ADAMTS16: variants seen among roughly 807,000 people sequenced by gnomAD.
The protein encoded by ADAMTS16 is ADAM metallopeptidase with thrombospondin type 1 motif 16.
ADAMTS16 carries 94 observed loss-of-function variants against 145.8 expected under a neutral mutation model. The ratio of observed to expected loss-of-function variants is 0.64; its 90% CI spans 0.55 to 0.77. The LOEUF (loss-of-function observed/expected upper bound fraction) is 0.77. Among genes scored for constraint, ADAMTS16 ranks in the 30% least tolerant of loss-of-function variants. The pLI is 0.00. For synonymous variants in ADAMTS16, 659 were observed against 604.3 expected, an observed-to-expected ratio of 1.09 and a Z score of -1.33; for missense variants, 1,585 against 1,591.5, an observed-to-expected ratio of 1.00 and a Z score of 0.07.
At position 5,289,454 on chromosome 5, in the gene ADAMTS16, T is replaced by C. The variant is rs561503114; in HGVS notation, c.2790-13814T>C. 2.6e-5 allele frequency among the ~76,000 whole-genome samples: 4 copies of C among 152,356 alleles called. No individual in the cohort carries two copies. The South Asian group carries it at 6.2e-4, about 24-fold the overall frequency. ...GTTTGTTGTTATTGCTGTTGTTTCA[T>C]TGTTAACATTCCCAACAATGGGGTC... On this transcript the variant is annotated intron_variant, in intron 18 of 22. Transcript: ENST00000274181.
rs141245263 is a variant in ADAMTS16, at chr5:5,190,251, G to A, written c.1207+121G>A. 607 of 1,089,242 alleles carry A rather than the reference G, an allele frequency of 5.6e-4. 4 individuals are homozygous for A. In the African/African-American group the frequency reaches 8.8e-3, roughly 16 times the overall value. 67.5% of individuals were successfully genotyped at this position (1,089,242 alleles called of 1,614,324 possible). A position where few individuals can be genotyped will look rare whatever the true frequency, so the allele number is the denominator to read the frequency against. Reference sequence around the variant, plus strand: ...TAAGCAGTAGCAGCTTCTTAGTGAAGGTGTAAAGACTCACTTCCCTGTATA... The same window carrying A: ...TAAGCAGTAGCAGCTTCTTAGTGAAAGTGTAAAGACTCACTTCCCTGTATA... On this transcript the variant is annotated intron_variant, in intron 7 of 22. Transcript: ENST00000274181.
intron 18 of ADAMTS16, among the ~76,000 whole-genome samples, chr5:5,282,393 G>T (rs568836592): frequency 6.6e-6 from 1 of 152,232 alleles, no homozygotes; most frequent in East Asian, 1.9e-4. Flanking sequence ...GAAGTGTAAG[G>T]TTCCCAGTTA....
chr5:5,316,801 T>C (rs1234566935), intron 21 of ADAMTS16, among the ~76,000 whole-genome samples: 1 of 152,024 alleles, frequency 6.6e-6, no homozygotes, highest in Non-Finnish European at 1.5e-5. Context: ...TTGTCAAGCT[T>C]CTCCCCGTCG....
At chr5:5,274,726 A>C (rs1462227046) in intron 18 of ADAMTS16, among the ~76,000 whole-genome samples, 1 of 121,326 alleles carries the variant, frequency 8.2e-6, no homozygotes, top group Non-Finnish European at 1.7e-5. Context: ...ATACACACAC[A>C]TGCACACACA....
At chr5:5,140,880 A>C in intron 2 of ADAMTS16, 114 bp downstream of exon 2, 1 of 1,077,526 alleles carries the variant, frequency 9.3e-7, no homozygotes. Context: ...CCCTACTTTT[A>C]AGATGCTGTT....
intron 4 of ADAMTS16, among the ~76,000 whole-genome samples, chr5:5,183,066 G>C (rs1026569827): frequency 6.6e-6 from 1 of 152,180 alleles, no homozygotes; most frequent in African/African-American, 2.4e-5. Flanking sequence ...CGTTGAATGA[G>C]TGAACGAACA....
At chr5:5,200,311 T>C in intron 9 of ADAMTS16, 42 bp downstream of exon 9, 1 of 1,609,884 alleles carries the variant, frequency 6.2e-7, no homozygotes, top group Non-Finnish European at 8.5e-7. Flanking sequence ...TTCGGGGCCT[T>C]TGATGCTCAC....
chr5:5,301,317 T>A (rs1011772958), intron 18 of ADAMTS16, among the ~76,000 whole-genome samples: 4 of 152,204 alleles, frequency 2.6e-5, no homozygotes, highest in African/African-American at 9.6e-5. Flanking sequence ...CTTCTAGGCT[T>A]ATTCCTCCTG....
In ADAMTS16 at chr5:5,269,272, G is replaced by A. The variant is rs1427218704; in HGVS notation, c.2789+6489G>A. On this transcript the variant is annotated intron_variant, in intron 18 of 22. Coordinates refer to ENST00000274181, the MANE Select transcript of ADAMTS16 (RefSeq NM_139056.4). The surrounding 1 kb of genome is among the most constrained non-coding windows in gnomAD (Gnocchi z 4.3). ...ACCTGAGCTGCCTTGCTTCACCCTC[G>A]CTCCCCTATACTACCCTGGTCACCT... Among the ~76,000 whole-genome samples, 6 of 151,772 alleles carry A rather than the reference G, an allele frequency of 4.0e-5. No homozygotes were observed. The highest frequency in any genetic ancestry group is 4.2e-4 in the South Asian group (2 of 4,810).
intron 18 of ADAMTS16, among the ~76,000 whole-genome samples, chr5:5,289,744 A>C (rs554847706): frequency 1.3e-5 from 2 of 152,330 alleles, no homozygotes; most frequent in African/African-American, 2.4e-5. Context: ...ATTCATGTAC[A>C]TGGGGTTTCC....
chr5:5,239,246 T>C lies in ADAMTS16; in HGVS notation c.2250T>C (p.Gly750=), dbSNP rs755934004. 6.3e-7 allele frequency: 1 copy of C among 1,591,810 alleles called. No individual in the cohort carries two copies. The highest frequency in any genetic ancestry group is 1.8e-5 in the Admixed American group (1 of 55,262). Residue 750 remains glycine, a synonymous_variant, in exon 15 of 23, where the codon GGT becomes GGC. Transcript: ENST00000274181. ...GNNSACTIHR[G]LYTKHHHTNQ... ...ACTCAGCCTGCACGATTCACAGGGG[T>C]CTCTACACCAAGCACCACCACACCA...
At chr5:5,267,925 C>A (rs540289722) in intron 18 of ADAMTS16, among the ~76,000 whole-genome samples, 10 of 152,288 alleles carry the variant, frequency 6.6e-5, no homozygotes, top group African/African-American at 2.4e-4. Context: ...GGATGAGAAT[C>A]GTGCCTGGCT....
intron 10 of ADAMTS16, 21 bp from the exon 11 acceptor site, chr5:5,222,768 C>A (rs759585009): frequency 1.3e-6 from 2 of 1,591,576 alleles, no homozygotes; most frequent in Non-Finnish European, 1.7e-6. Context: ...ATCCTAATGA[C>A]CTTTTACAAA....
In ADAMTS16 at chr5:5,140,548, C is replaced by G; in HGVS notation, c.72+9C>G. On this transcript the variant is annotated intron_variant, in intron 1 of 22. Coordinates refer to ENST00000274181, the MANE Select transcript of ADAMTS16 (RefSeq NM_139056.4). ...CGCAGGTGGCCGAGCAGGTGAGTCCCGGGCGCTCCCACCAGCGCGGAAACC... is the reference window on the plus strand; with the variant it reads ...CGCAGGTGGCCGAGCAGGTGAGTCCGGGGCGCTCCCACCAGCGCGGAAACC... The G allele has an allele frequency of 1.3e-6, 2 of 1,507,974 alleles. No individual in the cohort carries two copies. Among genetic ancestry groups the G allele is most frequent in the Non-Finnish European group, 1.8e-6 (2 of 1,137,304 alleles). 93.4% of individuals were successfully genotyped at this position (1,507,974 alleles called of 1,614,324 possible).
Position 5,269,220 on chromosome 5 carries a change from C to T in ADAMTS16, c.2789+6437C>T, listed in dbSNP as rs1670247750. Among the ~76,000 whole-genome samples the T allele has an allele frequency of 6.6e-6, 1 of 152,076 alleles. No homozygotes were observed. The highest frequency in any genetic ancestry group is 2.4e-5 in the African/African-American group (1 of 41,398). ...CCCCCACCCAGGCCAGAGGCTGTGGCAGTGCTGGAACCCTCCCCTCACCAG... is the reference window on the plus strand; with the variant it reads ...CCCCCACCCAGGCCAGAGGCTGTGGTAGTGCTGGAACCCTCCCCTCACCAG... On this transcript the variant is annotated intron_variant, in intron 18 of 22. Coordinates refer to ENST00000274181, the MANE Select transcript of ADAMTS16 (RefSeq NM_139056.4). This position sits in a 1 kb window ranked among gnomAD's most constrained non-coding sequence, Gnocchi z 4.3.
chr5:5,176,609 A>C (rs1047709701), intron 3 of ADAMTS16, among the ~76,000 whole-genome samples: 1 of 152,186 alleles, frequency 6.6e-6, no homozygotes, highest in Non-Finnish European at 1.5e-5. Flanking sequence ...TTAACGTACA[A>C]AAAAAATCAC....
chr5:5,320,041 C>A lies in ADAMTS16; in HGVS notation c.*903C>A. ...AGCCACACAGCCTATGTGACAATAA[C>A]CTTAGAGTCCTGTGTTTTGTTTTTG... On this transcript the variant is annotated 3_prime_UTR_variant, in exon 23 of 23. Transcript: ENST00000274181. This position sits in a 1 kb window ranked among gnomAD's most constrained non-coding sequence, Gnocchi z 5.1. The A allele has an allele frequency of 2.5e-6, 1 of 395,186 alleles. No homozygotes were observed. The highest frequency in any genetic ancestry group is 4.8e-6 in the Non-Finnish European group (1 of 206,746). 24.5% of individuals were successfully genotyped at this position (395,186 alleles called of 1,614,324 possible).
chr5:5,251,047 C>T (rs968968492), intron 17 of ADAMTS16, among the ~76,000 whole-genome samples: 12 of 152,030 alleles, frequency 7.9e-5, no homozygotes, highest in African/African-American at 1.7e-4. Context: ...CAAGCCTGCC[C>T]GGGGCGTCAG....
chr5:5,191,440 C>T (rs1735661040), intron 7 of ADAMTS16, among the ~76,000 whole-genome samples: 1 of 152,054 alleles, frequency 6.6e-6, no homozygotes, highest in African/African-American at 2.4e-5. Context: ...AGAGCCTGCA[C>T]CACGAACGTT....
Sources: allele counts gnomAD v4.1 joint callset (sites outside exome capture counted in the v4.1 genomes callset), GRCh38; gene constraint gnomAD v4.1.1; non-coding constraint Gnocchi (gnomAD v3.1); transcripts MANE v1.5; gene names NCBI Gene and HGNC (gene_info 2026-07-23, HGNC 2026-07-21).